Variants in TSC22D1 observed in about 807,000 individuals in gnomAD.
TSC22D1 encodes TSC22 domain family member 1.
In TSC22D1, 9 loss-of-function variants were observed where a neutral mutation model predicts 74.2. The observed-to-expected ratio is 0.12, with a 90% CI of 0.07 to 0.21. The LOEUF (loss-of-function observed/expected upper bound fraction) is 0.21, where lower values mean the gene tolerates loss of function less well. Among genes scored for constraint, TSC22D1 ranks in the 10% least tolerant of loss-of-function variants. The pLI is 1.00. For synonymous variants in TSC22D1, 586 were observed against 492.5 expected (o/e 1.19, Z -2.51); for missense variants, 1,427 against 1,304.7 (o/e 1.09, Z -1.44).
chr13:44,477,990 G>C (rs1214351553), intron 1 of TSC22D1, among the ~76,000 whole-genome samples: 1 of 151,982 alleles, frequency 6.6e-6, no homozygotes, highest in Non-Finnish European at 1.5e-5. Flanking sequence ...AAGAGACCAT[G>C]AAGAACACAG....
At chr13:44,556,815 G>A (rs1476890565) in intron 1 of TSC22D1, among the ~76,000 whole-genome samples, 3 of 152,064 alleles carry the variant, frequency 2.0e-5, no homozygotes, top group African/African-American at 4.8e-5. Context: ...GCAGTGAGCC[G>A]AGATCATGCC....
intron 1 of TSC22D1, among the ~76,000 whole-genome samples, chr13:44,556,225 A>G (rs953603361): frequency 7.3e-6 from 1 of 136,142 alleles, no homozygotes; most frequent in African/African-American, 3.0e-5. Flanking sequence ...TTCTACTGTT[A>G]AAAAAAAAAA....
At chr13:44,439,992 T>C (rs1225563164) in intron 1 of TSC22D1, among the ~76,000 whole-genome samples, 3 of 152,192 alleles carry the variant, frequency 2.0e-5, no homozygotes. Flanking sequence ...CGAAGGCACA[T>C]TACCCTGTAC....
Position 44,538,418 on chromosome 13 carries a change from C to A in TSC22D1, c.2912+34745G>T, listed in dbSNP as rs1240899950. The A allele has an allele frequency of 9.1e-6, 9 of 984,938 alleles. No homozygotes were observed. The African/African-American group carries it at 1.6e-4, about 17-fold the overall frequency. The allele number at this position is 984,938 out of a possible 1,614,324, so 61.0% of individuals were successfully genotyped here. A position where few individuals can be genotyped will look rare whatever the true frequency, so the allele number is the denominator to read the frequency against. On this transcript the variant is annotated intron_variant, in intron 1 of 2. Coordinates refer to ENST00000458659, the MANE Select transcript of TSC22D1 (RefSeq NM_183422.4). Reference sequence around the variant, plus strand: ...TTTACTAGTTACTTTCAGTGTCAGGCAACAAAAAAAACCATTTCATTAAGT... The same window carrying A: ...TTTACTAGTTACTTTCAGTGTCAGGAAACAAAAAAAACCATTTCATTAAGT...
At chr13:44,557,259 G>C (rs1882713524) in intron 1 of TSC22D1, among the ~76,000 whole-genome samples, 1 of 151,860 alleles carries the variant, frequency 6.6e-6, no homozygotes, top group Non-Finnish European at 1.5e-5. Context: ...TCAAGAGATA[G>C]AGACCATCCT....
At chr13:44,442,883 T>TGGGCCACA (rs1875310293) in intron 1 of TSC22D1, among the ~76,000 whole-genome samples, 1 of 128,348 alleles carries the variant, frequency 7.8e-6, no homozygotes, top group African/African-American at 3.0e-5. Context: ...CACTCCAGCC[T>TGGGCCACA]GGGCCACAGA....
chr13:44,472,045 C>T (rs1877635238), intron 1 of TSC22D1, among the ~76,000 whole-genome samples: 1 of 152,164 alleles, frequency 6.6e-6, no homozygotes, highest in Non-Finnish European at 1.5e-5. Flanking sequence ...TACTTCATAG[C>T]CCCAAAGTGC....
intron 1 of TSC22D1, among the ~76,000 whole-genome samples, chr13:44,503,953 A>G (rs1008099394): frequency 6.6e-6 from 1 of 152,112 alleles, no homozygotes; most frequent in Non-Finnish European, 1.5e-5. Flanking sequence ...GAGAATATTA[A>G]CAATAAAAGA....
At chr13:44,536,760 T>G in intron 1 of TSC22D1, 1 of 984,410 alleles carries the variant, frequency 1.0e-6, no homozygotes, top group Non-Finnish European at 1.2e-6. Context: ...TTTGCAAAAT[T>G]GAGGTACAAA....
chr13:44,439,805 T>C (rs563516048), intron 1 of TSC22D1, among the ~76,000 whole-genome samples: 53 of 152,326 alleles, frequency 3.5e-4, no homozygotes, highest in African/African-American at 1.2e-3. Flanking sequence ...CATGACAGGA[T>C]AGGAAAAGAG....
chr13:44,531,272 T>C (rs1880823560), intron 1 of TSC22D1, among the ~76,000 whole-genome samples: 1 of 152,186 alleles, frequency 6.6e-6, no homozygotes, highest in Non-Finnish European at 1.5e-5. Context: ...GTAAAACTGC[T>C]CTTTTTTAAA....
chr13:44,549,801 G>GA, intron 1 of TSC22D1, among the ~76,000 whole-genome samples: 1 of 150,488 alleles, frequency 6.6e-6, no homozygotes, highest in South Asian at 2.1e-4. Context: ...AAAGAAGAAG[G>GA]CGGCGGCGGC....
chr13:44,497,835 T>C (rs189555865), intron 1 of TSC22D1, among the ~76,000 whole-genome samples: 3 of 152,340 alleles, frequency 2.0e-5, no homozygotes, highest in African/African-American at 7.2e-5. Context: ...CTTCTGAAGT[T>C]GCTGCCAGAT....
chr13:44,454,779 A>C (rs1876434285), intron 1 of TSC22D1, among the ~76,000 whole-genome samples: 1 of 152,224 alleles, frequency 6.6e-6, no homozygotes, highest in African/African-American at 2.4e-5. Context: ...ACCAAGGCGC[A>C]AAGGAGTTAT....
chr13:44,574,932 A>T lies in TSC22D1; in HGVS notation c.1143T>A (p.Val381=). 6.2e-7 allele frequency: 1 copy of T among 1,614,110 alleles called. No homozygotes were observed. The highest frequency in any genetic ancestry group is 8.5e-7 in the Non-Finnish European group (1 of 1,180,028). The change falls in exon 1 of 3, where the codon GTT becomes GTA. Residue 381 remains valine, a synonymous_variant. Transcript: ENST00000458659. ...CAGTCATCCCTGCAGCTGCATTAGGAACACTGCTAACAGCAGCAGAGGAAG... is the reference window on the plus strand; with the variant it reads ...CAGTCATCCCTGCAGCTGCATTAGGTACACTGCTAACAGCAGCAGAGGAAG... ...TISSSAAVSS[V]PNAAAGMTGG...
rs772740756 is a variant in TSC22D1 at position 44,573,233 on chromosome 13, C to G, written c.2842G>C (p.Ala948Pro). Residue 948 changes from alanine to proline, a missense_variant, in exon 1 of 3, where the codon GCC becomes CCC. By Grantham distance (27) the Ala-to-Pro change is conservative. Coordinates refer to ENST00000458659, the MANE Select transcript of TSC22D1 (RefSeq NM_183422.4). The part of the protein sequence containing the change: ...VSDGSSSSLA[A>P]SASLFPLKVL... ...TTCAACGGGAAAAGAGAAGCAGAGG[C>G]TGCTAGGCTGCTGCTACTCCCATCT... is the stretch of plus-strand genomic sequence containing the variant. 1 of 1,614,234 alleles carries G rather than the reference C, an allele frequency of 6.2e-7. No individual in the cohort carries two copies.
intron 1 of TSC22D1, among the ~76,000 whole-genome samples, chr13:44,515,803 A>G (rs1435899742): frequency 6.6e-6 from 1 of 152,230 alleles, no homozygotes; most frequent in African/African-American, 2.4e-5. Flanking sequence ...AAAACTTAAT[A>G]GTGGCTGCCT....
chr13:44,538,072 T>C (rs148057641), intron 1 of TSC22D1: 3 of 985,344 alleles, frequency 3.0e-6, no homozygotes, highest in African/African-American at 3.5e-5. Flanking sequence ...GATAAATAAC[T>C]ATTTTGCAAC....
intron 1 of TSC22D1, chr13:44,436,725 G>T: frequency 6.7e-7 from 1 of 1,503,324 alleles, no homozygotes. Flanking sequence ...GCAGCCCAGG[G>T]AGAAACAGAA....
Sources: gnomAD v4.1 joint callset for allele counts (sites outside exome capture counted in the v4.1 genomes callset) on GRCh38, gnomAD v4.1.1 for gene constraint, MANE v1.5 for transcripts, NCBI Gene and HGNC (gene_info 2026-07-23, HGNC 2026-07-21) for gene names.